SCARA3: variants seen among roughly 807,000 people sequenced by gnomAD.
The protein encoded by SCARA3 is cellular stress response gene protein.
Under a neutral mutation model 47.0 loss-of-function variants are expected in SCARA3, and 39 were observed. That is an observed-to-expected ratio of 0.83 (90% CI 0.64 to 1.08). The LOEUF (loss-of-function observed/expected upper bound fraction) is 1.08, where lower values mean the gene tolerates loss of function less well. Ranked by LOEUF, SCARA3 falls within the 50% of genes least tolerant of loss-of-function variation. The probability of loss-of-function intolerance (pLI) is 0.00; values close to 1 mark genes in which losing one functional copy is unlikely to be tolerated. For synonymous variants in SCARA3, 356 were observed against 334.1 expected (o/e 1.07, Z -0.71); for missense variants, 724 against 792.3 (o/e 0.91, Z 1.04).
At chr8:27,699,610 G>T in the SCARA3 span, among the ~76,000 whole-genome samples, 1 of 152,104 alleles carries the variant, frequency 6.6e-6, no homozygotes, top group East Asian at 1.9e-4. Context: ...GAGTTCAGTT[G>T]GAGGGCCTAT....
At chr8:27,703,567 C>T in the SCARA3 span, 1 of 152,160 alleles carries the variant, frequency 6.6e-6, no homozygotes. Context: ...AAACGCACAG[C>T]CATGCCTGTT....
the SCARA3 span, among the ~76,000 whole-genome samples, chr8:27,719,261 T>A: frequency 6.6e-6 from 1 of 152,248 alleles, no homozygotes; most frequent in Non-Finnish European, 1.5e-5. Context: ...CCATTATCCT[T>A]AGCAAACTAA....
chr8:27,677,246 G>C (rs139778695), downstream of SCARA3, among the ~76,000 whole-genome samples: 156 of 152,348 alleles, frequency 1.0e-3, no homozygotes, highest in African/African-American at 3.4e-3. Flanking sequence ...CTACCACACA[G>C]AGAAGTGGAG....
At chr8:27,712,311 C>T in the SCARA3 span, among the ~76,000 whole-genome samples, 2 of 152,122 alleles carry the variant, frequency 1.3e-5, no homozygotes, top group Non-Finnish European at 2.9e-5. Context: ...TGCCTGTAAT[C>T]CCAGCACTTT....
At position 27,668,546 on chromosome 8, in the gene SCARA3, C is replaced by CAAAAAAAAA. The variant is rs61162841; in HGVS notation, c.1370-2346_1370-2338dup. ...TGGGCGACAGAGCGAGACTCCGTCT[C>CAAAAAAAAA]AAAAAAAAAAAAAAAAGAAATCACA... On this transcript the variant is annotated intron_variant, in intron 5 of 5. Transcript: ENST00000301904. Among the ~76,000 whole-genome samples the CAAAAAAAAA allele has an allele frequency of 3.3e-4, 23 of 69,844 alleles. 1 individual carries two copies. The highest frequency in any genetic ancestry group is 8.5e-4 in the East Asian group (2 of 2,348). The allele number at this position is 69,844 out of a possible 152,430, so 45.8% of individuals were successfully genotyped here.
chr8:27,694,592 G>T, the SCARA3 span, among the ~76,000 whole-genome samples: 1 of 152,240 alleles, frequency 6.6e-6, no homozygotes. Context: ...AAAGGAATGA[G>T]CAGGGAGTTG....
At chr8:27,695,911 T>A in the SCARA3 span, among the ~76,000 whole-genome samples, 1 of 151,808 alleles carries the variant, frequency 6.6e-6, no homozygotes. Context: ...CTAACACACA[T>A]GAAATTGGAC....
the SCARA3 span, among the ~76,000 whole-genome samples, chr8:27,709,935 A>G: frequency 6.6e-6 from 1 of 152,180 alleles, no homozygotes; most frequent in African/African-American, 2.4e-5. Context: ...ATTCAGTGGT[A>G]TTTGATTACA....
At chr8:27,662,370 A>G (rs1376512968) in intron 5 of SCARA3, among the ~76,000 whole-genome samples, 1 of 152,110 alleles carries the variant, frequency 6.6e-6, no homozygotes, top group Non-Finnish European at 1.5e-5. Flanking sequence ...AGGCCATTCC[A>G]CTGTTTTATC....
At chr8:27,699,727 C>G in the SCARA3 span, among the ~76,000 whole-genome samples, 2 of 151,798 alleles carry the variant, frequency 1.3e-5, no homozygotes, top group Admixed American at 6.6e-5. Context: ...CCAAAAGTTC[C>G]AGACCAGCCT....
At chr8:27,646,066 G>A (rs1801486051) in intron 1 of SCARA3, among the ~76,000 whole-genome samples, 1 of 152,202 alleles carries the variant, frequency 6.6e-6, no homozygotes, top group Non-Finnish European at 1.5e-5. Context: ...TCCAGACATA[G>A]GTGAGTCAGG....
chr8:27,723,333 G>A, the SCARA3 span, among the ~76,000 whole-genome samples: 1 of 152,146 alleles, frequency 6.6e-6, no homozygotes, highest in Non-Finnish European at 1.5e-5. Flanking sequence ...GGTGGAGAAA[G>A]TTATCATTCC....
At chr8:27,723,438 C>T in the SCARA3 span, among the ~76,000 whole-genome samples, 4,115 of 152,296 alleles carry the variant, frequency 0.027, 70 homozygotes, top group Middle Eastern at 0.041. Context: ...CTTTTCGTCA[C>T]GCACTGACTG....
At chr8:27,705,079 A>T in the SCARA3 span, among the ~76,000 whole-genome samples, 2 of 152,214 alleles carry the variant, frequency 1.3e-5, no homozygotes, top group African/African-American at 4.8e-5. Flanking sequence ...CAGCGAGGGT[A>T]CCAAAATGCT....
intron 5 of SCARA3, among the ~76,000 whole-genome samples, chr8:27,660,875 TA>T (rs1801899949): frequency 6.6e-6 from 1 of 151,238 alleles, no homozygotes; most frequent in Non-Finnish European, 1.5e-5. Flanking sequence ...GATAGATAGA[TA>T]GATAGATAAT....
intron 1 of SCARA3, among the ~76,000 whole-genome samples, chr8:27,646,976 C>CCCCCCCCCCCCCCCCCCCCCCCA (rs1801513726): frequency 9.5e-6 from 1 of 105,438 alleles, no homozygotes; most frequent in African/African-American, 3.6e-5. Context: ...GCCCCCGCCC[C>CCCCCCCCCCCCCCCCCCCCCCCA]CCCCCCGCAC....
At chr8:27,722,433 A>G in the SCARA3 span, among the ~76,000 whole-genome samples, 1 of 152,126 alleles carries the variant, frequency 6.6e-6, no homozygotes, top group Non-Finnish European at 1.5e-5. Context: ...AAAAGAGGTC[A>G]GATTCACCCC....
chr8:27,664,941 T>C (rs749201860), intron 5 of SCARA3, among the ~76,000 whole-genome samples: 7 of 152,204 alleles, frequency 4.6e-5, no homozygotes, highest in Non-Finnish European at 1.5e-5. Flanking sequence ...GTAAAATCTC[T>C]CACAATTGAA....
At chr8:27,714,607 G>A in the SCARA3 span, among the ~76,000 whole-genome samples, 11 of 152,010 alleles carry the variant, frequency 7.2e-5, no homozygotes, top group Admixed American at 7.2e-4. Flanking sequence ...AGCTAGGGGA[G>A]ATAAAAATAC....
Sources: allele counts gnomAD v4.1 joint callset (sites outside exome capture counted in the v4.1 genomes callset), GRCh38; gene constraint gnomAD v4.1.1; transcripts MANE v1.5; gene names NCBI Gene and HGNC (gene_info 2026-07-23, HGNC 2026-07-21).